ADAM22: variants seen among roughly 807,000 people sequenced by gnomAD.
ADAM22 encodes disintegrin and metalloproteinase domain-containing protein 22.
A neutral mutation model predicts 144.6 loss-of-function variants in ADAM22; 65 were observed. The ratio of observed to expected loss-of-function variants is 0.45; its 90% CI spans 0.37 to 0.55. ADAM22 has a LOEUF of 0.55. ADAM22 is among the 20% of genes least tolerant of loss of function. The pLI is 0.00. For missense variants in ADAM22, 974 were observed against 1,184.9 expected, an observed-to-expected ratio of 0.82 and a Z score of 2.61; for synonymous variants, 391 against 412.6, an observed-to-expected ratio of 0.95 and a Z score of 0.63.
chr7:88,167,905 C>T (rs1342476745), intron 24 of ADAM22, among the ~76,000 whole-genome samples: 3 of 152,134 alleles, frequency 2.0e-5, no homozygotes, highest in Non-Finnish European at 2.9e-5. Context: ...CTGGAAAATA[C>T]AACTGTGCAA....
At chr7:88,123,196 T>C (rs1194124405) in intron 7 of ADAM22, among the ~76,000 whole-genome samples, 1 of 152,166 alleles carries the variant, frequency 6.6e-6, no homozygotes, top group Non-Finnish European at 1.5e-5. Flanking sequence ...TTGTAAAATA[T>C]AGGTTCAGAA....
In ADAM22 at chr7:88,123,248, G is replaced by C. The variant is rs530071523; in HGVS notation, c.608-2341G>C. On this transcript the variant is annotated intron_variant, in intron 7 of 31. Transcript: ENST00000413139. The stretch of plus-strand genomic sequence containing the variant: ...GTTTTCTTTTCTGGTTTTAGTACCA[G>C]GGTTTTACTGGTCTTATAAGATGTG... 2.0e-5 allele frequency among the ~76,000 whole-genome samples: 3 copies of C among 152,088 alleles called. No individual in the cohort carries two copies. In the East Asian group the frequency reaches 5.8e-4, roughly 29 times the overall value.
At chr7:88,171,300 T>C (rs900898922) in intron 25 of ADAM22, among the ~76,000 whole-genome samples, 1 of 151,916 alleles carries the variant, frequency 6.6e-6, no homozygotes, top group African/African-American at 2.4e-5. Flanking sequence ...GACTGCAGCA[T>C]ATTTATGTTT....
chr7:88,176,975 G>T (rs1845830828), intron 26 of ADAM22, among the ~76,000 whole-genome samples: 1 of 152,058 alleles, frequency 6.6e-6, no homozygotes, highest in Admixed American at 6.5e-5. Context: ...ATGTTGGCCA[G>T]GCTAGTCTCC....
In ADAM22 at chr7:88,153,224, T is replaced by C; in HGVS notation, c.1685T>C (p.Val562Ala). 6.2e-7 allele frequency: 1 copy of C among 1,612,232 alleles called. No individual in the cohort carries two copies. Among genetic ancestry groups the C allele is most frequent in the South Asian group, 1.1e-5 (1 of 90,670 alleles). Residue 562 changes from valine (V) to alanine (A), a missense_variant, in exon 21 of 32, where the codon GTG becomes GCG. By Grantham distance (64) the Val-to-Ala change is moderately conservative. Coordinates refer to ENST00000413139, the MANE Select transcript of ADAM22 (RefSeq NM_001324418.2). Reference protein sequence around the residue: ...RQCKYIWGQKVTASDKYCYEK... With the variant: ...RQCKYIWGQKATASDKYCYEK... ...AGAAAATTTTTTTCTGCCTTAGAGG[T>C]GACAGCATCAGACAAATATTGCTAT...
chr7:88,163,823 T>G (rs1842332064), intron 23 of ADAM22, among the ~76,000 whole-genome samples: 1 of 152,134 alleles, frequency 6.6e-6, no homozygotes, highest in Non-Finnish European at 1.5e-5. Context: ...GGATAAAGTT[T>G]TGTCAGTTTC....
At chr7:88,146,467 G>A (rs945023796) in intron 17 of ADAM22, among the ~76,000 whole-genome samples, 2 of 152,158 alleles carry the variant, frequency 1.3e-5, no homozygotes, top group Admixed American at 1.3e-4. Context: ...ATTTTTGGCT[G>A]GATAATCCTT....
chr7:88,159,455 A>G (rs1010282527), intron 22 of ADAM22, among the ~76,000 whole-genome samples: 1 of 152,166 alleles, frequency 6.6e-6, no homozygotes, highest in African/African-American at 2.4e-5. Flanking sequence ...CTCTACAAAA[A>G]AAGAAAATTT....
In ADAM22 at chr7:88,013,361, C is replaced by T. The variant is rs556739431; in HGVS notation, c.323+34949C>T. Among the ~76,000 whole-genome samples, 31 of 152,272 alleles carry T rather than the reference C, an allele frequency of 2.0e-4. 2 individuals carry two copies. Among genetic ancestry groups the T allele is most frequent in the South Asian group, 1.0e-3 (5 of 4,824 alleles). On this transcript the variant is annotated intron_variant, in intron 3 of 31. Coordinates refer to ENST00000413139, the MANE Select transcript of ADAM22 (RefSeq NM_001324418.2). Reference sequence around the variant, plus strand: ...AGGGTAATGACTTCTAAGCTCCTTACATGCTGGAACAGAAACTGGAAAACT... The same window carrying T: ...AGGGTAATGACTTCTAAGCTCCTTATATGCTGGAACAGAAACTGGAAAACT...
chr7:88,044,950 CTT>C (rs1259240194), intron 3 of ADAM22, among the ~76,000 whole-genome samples: 9 of 150,688 alleles, frequency 6.0e-5, no homozygotes, highest in African/African-American at 2.4e-5. Flanking sequence ...GTTTGGAACT[CTT>C]GACCTCAGGC....
intron 3 of ADAM22, among the ~76,000 whole-genome samples, chr7:88,054,165 T>C (rs1358700383): frequency 6.6e-6 from 1 of 151,770 alleles, no homozygotes; most frequent in Admixed American, 6.6e-5. Context: ...TGATGTCATG[T>C]ACACATGTTT....
At chr7:88,135,858 AG>A in intron 13 of ADAM22, 121 bp from the exon 14 acceptor site, 1 of 684,494 alleles carries the variant, frequency 1.5e-6, no homozygotes, top group Non-Finnish European at 2.3e-6. Context: ...ATTAGAAAGA[AG>A]TTACTACTTT....
intron 31 of ADAM22, among the ~76,000 whole-genome samples, chr7:88,196,200 CTA>C (rs1850638299): frequency 6.6e-6 from 1 of 152,064 alleles, no homozygotes; most frequent in African/African-American, 2.4e-5. Flanking sequence ...AATATTGACT[CTA>C]TTCAAAATGT....
intron 3 of ADAM22, among the ~76,000 whole-genome samples, chr7:88,002,751 G>A (rs954724868): frequency 1.3e-5 from 2 of 152,154 alleles, no homozygotes; most frequent in African/African-American, 4.8e-5. Context: ...CCTTGGAGGA[G>A]AGTCATCATA....
chr7:87,967,924 T>C (rs1348093882), intron 2 of ADAM22, among the ~76,000 whole-genome samples: 3 of 152,152 alleles, frequency 2.0e-5, no homozygotes, highest in Middle Eastern at 6.8e-3. Flanking sequence ...TGACTGAATT[T>C]CTTTTTCTTC....
intron 11 of ADAM22, chr7:88,131,819 T>G (rs987924406): frequency 1.0e-5 from 2 of 195,106 alleles, no homozygotes; most frequent in Non-Finnish European, 2.1e-5. Flanking sequence ...TTTCTGGAAT[T>G]TATTTTTAAT....
In ADAM22 at chr7:88,034,077, C is replaced by T; in HGVS notation, c.324-41549C>T. 1.3e-5 allele frequency among the ~76,000 whole-genome samples: 2 copies of T among 152,094 alleles called. 1 individual carries two copies. The highest frequency in any genetic ancestry group is 2.9e-5 in the Non-Finnish European group (2 of 68,018). On this transcript the variant is annotated intron_variant, in intron 3 of 31. Coordinates refer to ENST00000413139, the MANE Select transcript of ADAM22 (RefSeq NM_001324418.2). ...TGGTACCTAAGGTGCAAGACAAAGCCCCCTTTACTCTTCCCTCTGCTTTTC... is the reference window on the plus strand; with the variant it reads ...TGGTACCTAAGGTGCAAGACAAAGCTCCCTTTACTCTTCCCTCTGCTTTTC...
At chr7:87,950,238 T>C in intron 2 of ADAM22, among the ~76,000 whole-genome samples, 1 of 151,296 alleles carries the variant, frequency 6.6e-6, no homozygotes, top group Non-Finnish European at 1.5e-5. Context: ...GCTGCACCCA[T>C]TAACACGTCA....
chr7:88,102,496 T>G (rs1374030807), intron 4 of ADAM22, among the ~76,000 whole-genome samples: 1 of 152,154 alleles, frequency 6.6e-6, no homozygotes. Flanking sequence ...CCCCAGAGAT[T>G]GTGATTTAGA....
Sources: gnomAD v4.1 joint callset for allele counts (sites outside exome capture counted in the v4.1 genomes callset) on GRCh38, gnomAD v4.1.1 for gene constraint, MANE v1.5 for transcripts, NCBI Gene and HGNC (gene_info 2026-07-23, HGNC 2026-07-21) for gene names.